Variants in CNTN4 observed in about 807,000 individuals in gnomAD.
CNTN4 encodes contactin 4.
In CNTN4, 77 loss-of-function variants were observed where a neutral mutation model predicts 122.5. The ratio of observed to expected loss-of-function variants is 0.63; its 90% CI spans 0.52 to 0.76. The LOEUF is 0.76. Among genes scored for constraint, CNTN4 ranks in the 30% least tolerant of loss-of-function variants. The pLI, the probability that CNTN4 is intolerant of heterozygous loss-of-function variation, is 0.00. For missense variants in CNTN4, 1,256 were observed against 1,259.1 expected, an observed-to-expected ratio of 1.00 and a Z score of 0.04; for synonymous variants, 512 against 447.0, an observed-to-expected ratio of 1.15 and a Z score of -1.83.
chr3:3,002,936 A>T (rs1407620033), intron 14 of CNTN4, among the ~76,000 whole-genome samples: 1 of 152,174 alleles, frequency 6.6e-6, no homozygotes, highest in Non-Finnish European at 1.5e-5. Flanking sequence ...AGTTTTACCA[A>T]CCAGCTCATC....
At chr3:2,602,245 C>T (rs974439205) in intron 4 of CNTN4, among the ~76,000 whole-genome samples, 11 of 152,096 alleles carry the variant, frequency 7.2e-5, no homozygotes, top group Non-Finnish European at 1.6e-4. Flanking sequence ...CTGGCCAGGG[C>T]AATCAGGCAG....
chr3:3,040,859 G>C (rs145650525), intron 20 of CNTN4, among the ~76,000 whole-genome samples: 1 of 151,868 alleles, frequency 6.6e-6, no homozygotes, highest in East Asian at 1.9e-4. Context: ...CCCAGGAGGC[G>C]GAGGTTGCGG....
At chr3:2,204,612 A>T (rs1256617913) in intron 2 of CNTN4, among the ~76,000 whole-genome samples, 2 of 152,204 alleles carry the variant, frequency 1.3e-5, no homozygotes, top group Non-Finnish European at 2.9e-5. Context: ...CAATTAACTT[A>T]TAAATCTTTT....
chr3:2,526,690 C>T (rs950784182), intron 3 of CNTN4, among the ~76,000 whole-genome samples: 1 of 152,042 alleles, frequency 6.6e-6, no homozygotes, highest in Non-Finnish European at 1.5e-5. Flanking sequence ...CTCTTATATT[C>T]ATGAAATATA....
intron 13 of CNTN4, among the ~76,000 whole-genome samples, chr3:2,932,845 C>T (rs566576748): frequency 2.1e-4 from 30 of 139,690 alleles, no homozygotes; most frequent in South Asian, 9.2e-4. Context: ...TATTTAGAGA[C>T]GGAGTCTCGC....
intron 4 of CNTN4, among the ~76,000 whole-genome samples, chr3:2,592,150 G>T (rs2080525999): frequency 6.6e-6 from 1 of 152,040 alleles, no homozygotes; most frequent in African/African-American, 2.4e-5. Flanking sequence ...GAAAGTGTTG[G>T]ACTTAGAGGC....
intron 23 of CNTN4, 77 bp from the exon 24 acceptor site, chr3:3,053,730 G>A (rs1701503038): frequency 4.7e-6 from 7 of 1,499,606 alleles, no homozygotes; most frequent in African/African-American, 1.4e-5. Context: ...GTGCCCAGAG[G>A]TGAAAACAAA....
At chr3:2,223,397 T>A (rs995627435) in intron 2 of CNTN4, among the ~76,000 whole-genome samples, 4 of 152,164 alleles carry the variant, frequency 2.6e-5, no homozygotes, top group Non-Finnish European at 4.4e-5. Context: ...AAACTAAACT[T>A]CTTGTATATA....
intron 7 of CNTN4, among the ~76,000 whole-genome samples, chr3:2,821,824 ATTC>A (rs1250203091): frequency 6.6e-6 from 1 of 152,198 alleles, no homozygotes; most frequent in African/African-American, 2.4e-5. Context: ...AATATCTGCT[ATTC>A]TTGTTATTGC....
At chr3:2,797,633 G>T (rs2092229857) in intron 6 of CNTN4, among the ~76,000 whole-genome samples, 1 of 152,120 alleles carries the variant, frequency 6.6e-6, no homozygotes, top group Non-Finnish European at 1.5e-5. Flanking sequence ...AAACTCCAAA[G>T]AGTTCAGTGC....
intron 4 of CNTN4, among the ~76,000 whole-genome samples, chr3:2,632,167 C>G (rs2150045880): frequency 6.6e-6 from 1 of 152,104 alleles, no homozygotes; most frequent in African/African-American, 2.4e-5. Flanking sequence ...AAGACAGAGA[C>G]TGTATTTTTC....
chr3:2,261,991 T>C (rs977418342), intron 2 of CNTN4, among the ~76,000 whole-genome samples: 2 of 152,178 alleles, frequency 1.3e-5, no homozygotes, highest in Admixed American at 6.5e-5. Flanking sequence ...TCTCTACTTA[T>C]TACCCAGGCT....
rs150631166 is a variant in CNTN4 at position 2,632,943 on chromosome 3, A to G, written c.55+61385A>G. 3.1e-3 allele frequency among the ~76,000 whole-genome samples: 466 copies of G among 150,348 alleles called. 3 individuals carry two copies. Among genetic ancestry groups the G allele is most frequent in the African/African-American group, 0.011 (448 of 41,220 alleles). On this transcript the variant is annotated intron_variant, in intron 4 of 24. Coordinates refer to ENST00000418658, the MANE Select transcript of CNTN4 (RefSeq NM_175607.3). Reference sequence around the variant, plus strand: ...TTTCCTTAAGAAATGTTGATTGAAAAATTACAAGTAATAGTATATATAATT... The same window carrying G: ...TTTCCTTAAGAAATGTTGATTGAAAGATTACAAGTAATAGTATATATAATT...
At position 2,584,696 on chromosome 3, in the gene CNTN4, T is replaced by TCAA. The variant is rs1559269064; in HGVS notation, c.55+13139_55+13141dup. Reference sequence around the variant, plus strand: ...TGGATGACAAAAGCAAAACTCCGTCTCAAAAAAAAAAAAAAAAAAAAAAAA... The same window carrying TCAA: ...TGGATGACAAAAGCAAAACTCCGTCTCAACAAAAAAAAAAAAAAAAAAAAAAAA... On this transcript the variant is annotated intron_variant, in intron 4 of 24. Transcript: ENST00000418658. Among the ~76,000 whole-genome samples the TCAA allele has an allele frequency of 2.1e-3, 44 of 21,298 alleles. 2 individuals carry two copies. The highest frequency in any genetic ancestry group is 3.5e-3 in the South Asian group (2 of 574). The allele number at this position is 21,298 out of a possible 152,430, so 14.0% of individuals were successfully genotyped here.
intron 4 of CNTN4, among the ~76,000 whole-genome samples, chr3:2,590,503 T>C (rs1314384725): frequency 2.0e-5 from 3 of 151,852 alleles, no homozygotes; most frequent in African/African-American, 7.3e-5. Context: ...GTGATCTGCC[T>C]GCCTCGCACT....
intron 12 of CNTN4, among the ~76,000 whole-genome samples, chr3:2,922,676 G>T (rs183015523): frequency 7.1e-6 from 1 of 140,662 alleles, no homozygotes; most frequent in African/African-American, 2.6e-5. Flanking sequence ...GCAGTGGCAC[G>T]ATCTTGGCTC....
At chr3:2,495,556 C>T (rs1005729719) in intron 3 of CNTN4, among the ~76,000 whole-genome samples, 25 of 152,320 alleles carry the variant, frequency 1.6e-4, no homozygotes, top group Non-Finnish European at 3.1e-4. Context: ...CCTGGCTGCA[C>T]AGCAGGAGAT....
chr3:2,692,280 C>G (rs1410267869), intron 4 of CNTN4, among the ~76,000 whole-genome samples: 1 of 152,132 alleles, frequency 6.6e-6, no homozygotes, highest in Non-Finnish European at 1.5e-5. Flanking sequence ...TTGATGTTCT[C>G]CTTTCGGAAA....
At chr3:2,699,100 A>G (rs2086210941) in intron 4 of CNTN4, among the ~76,000 whole-genome samples, 1 of 152,178 alleles carries the variant, frequency 6.6e-6, no homozygotes, top group Admixed American at 6.6e-5. Flanking sequence ...TTGGGAGACT[A>G]GCTTAATGCT....
Sources: allele counts gnomAD v4.1 joint callset (sites outside exome capture counted in the v4.1 genomes callset), GRCh38; gene constraint gnomAD v4.1.1; transcripts MANE v1.5; gene names NCBI Gene and HGNC (gene_info 2026-07-23, HGNC 2026-07-21).